The following TAF1A variants were observed in gnomAD, a reference collection of about 807,000 sequenced individuals.
The protein encoded by TAF1A is TATA-box binding protein associated factor, RNA polymerase I subunit A.
Under a neutral mutation model 61.6 loss-of-function variants are expected in TAF1A, and 42 were observed. The ratio of observed to expected loss-of-function variants is 0.68; its 90% CI spans 0.53 to 0.88. The LOEUF (loss-of-function observed/expected upper bound fraction) is 0.88. Ranked by LOEUF, TAF1A falls within the 40% of genes least tolerant of loss-of-function variation. TAF1A has a pLI of 0.00. For missense variants in TAF1A, 424 were observed against 518.7 expected (o/e 0.82, Z 1.77); for synonymous variants, 179 against 177.7 (o/e 1.01, Z -0.06).
rs1374872787 is a variant in TAF1A, at chr1:222,577,497, C to T, written c.552G>A (p.Gly184=). Residue 184 remains glycine, a synonymous_variant, in exon 5 of 11, where the codon GGG becomes GGA. Transcript: ENST00000352967. ...ILINLIQAYK[G]LLQYYTWSEK... is the part of the protein sequence containing the mutation. Reference sequence around the variant, plus strand: ...CAGACCAGGTATAATACTGTAAAAGCCCTTTATAGGCCTGAATAAGGTTGA... The same window carrying T: ...CAGACCAGGTATAATACTGTAAAAGTCCTTTATAGGCCTGAATAAGGTTGA... The T allele has an allele frequency of 2.3e-5, 37 of 1,613,804 alleles. No individual in the cohort carries two copies. Among genetic ancestry groups the T allele is most frequent in the Non-Finnish European group, 3.0e-5 (35 of 1,179,898 alleles).
At chr1:222,554,881 A>G (rs1659709379), downstream of TAF1A, among the ~76,000 whole-genome samples, 1 of 152,232 alleles carries the variant, frequency 6.6e-6, no homozygotes, top group Non-Finnish European at 1.5e-5. Flanking sequence ...ACAGAGATGT[A>G]ATTCACATTC....
At chr1:222,587,511 CA>C (rs943192901) in intron 2 of TAF1A, among the ~76,000 whole-genome samples, 1 of 151,852 alleles carries the variant, frequency 6.6e-6, no homozygotes, top group African/African-American at 2.4e-5. Context: ...AAAGGCTGGG[CA>C]AAAAAACACA....
At position 222,558,747 on chromosome 1, in the gene TAF1A, T is replaced by C. The variant is rs1181919165; in HGVS notation, c.1266A>G (p.Leu422=). The part of the protein sequence containing the change: ...GKGCRYFRYI[L]KQDHQILGKK... ...TCCCTAAGATTTGGTGATCTTGCTT[T>C]AAAATATACCGGAAATATCTACAAC... The change falls in exon 11 of 11, where the codon TTA becomes TTG. Residue 422 remains leucine (L), a synonymous_variant. Transcript: ENST00000352967. 1 of 1,545,718 alleles carries C rather than the reference T, an allele frequency of 6.5e-7. No individual in the cohort carries two copies. Among genetic ancestry groups the C allele is most frequent in the East Asian group, 2.3e-5 (1 of 43,428 alleles).
intron 5 of TAF1A, among the ~76,000 whole-genome samples, chr1:222,571,334 T>C (rs1660341809): frequency 6.6e-6 from 1 of 152,106 alleles, no homozygotes; most frequent in African/African-American, 2.4e-5. Flanking sequence ...AAGACAAAAA[T>C]GTCTTTTCTC....
At chr1:222,569,373 C>G in intron 7 of TAF1A, 137 bp downstream of exon 7, 2 of 1,565,278 alleles carry the variant, frequency 1.3e-6, no homozygotes, top group Non-Finnish European at 1.7e-6. Flanking sequence ...CTGGAGCCAA[C>G]TTTCTCTGTT....
chr1:222,564,676 A>C (rs181842738), intron 7 of TAF1A, among the ~76,000 whole-genome samples: 4 of 152,242 alleles, frequency 2.6e-5, no homozygotes, highest in Non-Finnish European at 4.4e-5. Flanking sequence ...TTTTCTTTTA[A>C]AAAATAGGAA....
intron 5 of TAF1A, among the ~76,000 whole-genome samples, chr1:222,572,558 A>G (rs1660401316): frequency 1.3e-5 from 2 of 152,116 alleles, no homozygotes; most frequent in Non-Finnish European, 1.5e-5. Context: ...CAGTTTCACC[A>G]TGTTGCCCAG....
At chr1:222,582,227 G>A (rs992083144) in intron 3 of TAF1A, among the ~76,000 whole-genome samples, 1 of 152,184 alleles carries the variant, frequency 6.6e-6, no homozygotes, top group Non-Finnish European at 1.5e-5. Context: ...GAAAGGAAGT[G>A]AGCACATCAC....
intron 2 of TAF1A, among the ~76,000 whole-genome samples, chr1:222,585,729 T>C (rs1558155423): frequency 6.6e-6 from 1 of 151,570 alleles, no homozygotes; most frequent in South Asian, 2.1e-4. Flanking sequence ...ACAAAAAAAG[T>C]ATAAATATTG....
At chr1:222,577,367 G>A (rs963719618) in intron 5 of TAF1A, 78 bp downstream of exon 5, 9 of 1,177,022 alleles carry the variant, frequency 7.6e-6, no homozygotes, top group Non-Finnish European at 1.1e-5. Context: ...AGTCAATAGG[G>A]AAATTACTAG....
chr1:222,589,778 G>C lies in TAF1A; in HGVS notation c.-54C>G, dbSNP rs1661180927. 3.0e-6 allele frequency: 1 copy of C among 328,666 alleles called. No homozygotes were observed. The highest frequency in any genetic ancestry group is 2.1e-5 in the African/African-American group (1 of 47,234). 20.4% of individuals were successfully genotyped at this position (328,666 alleles called of 1,614,324 possible). A position where few individuals can be genotyped will look rare whatever the true frequency, so the allele number is the denominator to read the frequency against. ...AAGCTAAACTCAGTCTCCGACTCCG[G>C]CCCACGTGAAGAAATTCCCACCGGA... is the stretch of plus-strand genomic sequence containing the variant. On this transcript the variant is annotated 5_prime_UTR_variant, in exon 1 of 11. Coordinates refer to ENST00000352967, the MANE Select transcript of TAF1A (RefSeq NM_005681.4).
Position 222,569,756 on chromosome 1 carries a change from A to AT in TAF1A, c.736-89dup, listed in dbSNP as rs1169466751. 9.6e-6 allele frequency: 12 copies of AT among 1,247,006 alleles called. No homozygotes were observed. In the South Asian group the frequency reaches 1.7e-4, roughly 17 times the overall value. The allele number at this position is 1,247,006 out of a possible 1,614,324, so 77.2% of individuals were successfully genotyped here. A position where few individuals can be genotyped will look rare whatever the true frequency, so the allele number is the denominator to read the frequency against. The stretch of plus-strand genomic sequence containing the variant: ...ACACAGCATAAGTTTACTGATGGGT[A>AT]TTTTTTAAAAATCACAAAACTGACA... On this transcript the variant is annotated intron_variant, in intron 6 of 10. Coordinates refer to ENST00000352967, the MANE Select transcript of TAF1A (RefSeq NM_005681.4).
At chr1:222,577,828 T>C (rs982557478) in intron 4 of TAF1A, among the ~76,000 whole-genome samples, 185 bp from the exon 5 acceptor site, 3 of 152,138 alleles carry the variant, frequency 2.0e-5, no homozygotes, top group East Asian at 1.9e-4. Flanking sequence ...ATTAACACTA[T>C]GTAAATATGA....
intron 7 of TAF1A, among the ~76,000 whole-genome samples, chr1:222,566,567 A>C (rs554956140): frequency 3.9e-5 from 6 of 152,310 alleles, no homozygotes; most frequent in African/African-American, 1.4e-4. Context: ...TAGGCATTAA[A>C]TTCTCATAAG....
At chr1:222,563,405 T>C (rs1659992201) in intron 8 of TAF1A, 109 bp from the exon 9 acceptor site, 1 of 1,191,522 alleles carries the variant, frequency 8.4e-7, no homozygotes, top group South Asian at 1.5e-5. Flanking sequence ...ATATATGTTG[T>C]TGATAAAATA....
intron 5 of TAF1A, among the ~76,000 whole-genome samples, 193 bp downstream of exon 5, chr1:222,577,252 T>C (rs761492370): frequency 6.6e-6 from 1 of 152,210 alleles, no homozygotes; most frequent in Non-Finnish European, 1.5e-5. Flanking sequence ...AACTTAATTA[T>C]GAACCATCTA....
chr1:222,554,562 T>C (rs532089967), downstream of TAF1A, among the ~76,000 whole-genome samples: 1 of 152,282 alleles, frequency 6.6e-6, no homozygotes, highest in African/African-American at 2.4e-5. Flanking sequence ...TAAATATAGG[T>C]AAATAACTGG....
intron 7 of TAF1A, chr1:222,569,204 T>C (rs1660241851): frequency 8.8e-7 from 1 of 1,140,924 alleles, no homozygotes. Flanking sequence ...AAAATAAGTG[T>C]GTTTACTCTC....
chr1:222,569,574 A>T lies in TAF1A; in HGVS notation c.830T>A (p.Ile277Asn). ...TCTCTTTAGAAAGTTGTATAAGTAG[A>T]TATGGGCATTTGGATTTGATGGAAA... ...EKFPSNPNAH[I>N]YLYNFLKRQK... Residue 277 changes from isoleucine (I) to asparagine (N), a missense_variant, in exon 7 of 11, where the codon ATC (isoleucine) becomes AAC (asparagine). Coordinates refer to ENST00000352967, the MANE Select transcript of TAF1A (RefSeq NM_005681.4). 3 of 1,614,096 alleles carry T rather than the reference A, an allele frequency of 1.9e-6. No individual in the cohort carries two copies. Among genetic ancestry groups the T allele is most frequent in the Non-Finnish European group, 2.5e-6 (3 of 1,179,970 alleles).
Sources: allele counts gnomAD v4.1 joint callset (sites outside exome capture counted in the v4.1 genomes callset), GRCh38; gene constraint gnomAD v4.1.1; transcripts MANE v1.5; gene names NCBI Gene and HGNC (gene_info 2026-07-23, HGNC 2026-07-21).